The following NBEA variants were observed in gnomAD, a reference collection of about 807,000 sequenced individuals.
The protein encoded by NBEA is neurobeachin, also known as lysosomal-trafficking regulator 2.
A neutral mutation model predicts 343.4 loss-of-function variants in NBEA; 44 were observed. The ratio of observed to expected loss-of-function variants is 0.13; its 90% CI spans 0.10 to 0.16. The LOEUF (loss-of-function observed/expected upper bound fraction) is 0.16. NBEA is among the 10% of genes least tolerant of loss of function. NBEA has a pLI of 1.00. For synonymous variants in NBEA, 1,175 were observed against 1,238.7 expected (o/e 0.95, Z 1.08); for missense variants, 2,555 against 3,631.3 (o/e 0.70, Z 7.62).
At chr13:35,499,113 G>A (rs1374032538) in intron 41 of NBEA, among the ~76,000 whole-genome samples, 1 of 152,084 alleles carries the variant, frequency 6.6e-6, no homozygotes, top group East Asian at 1.9e-4. Context: ...GAAAATTGAT[G>A]TGATGCTTTT....
In NBEA at chr13:35,184,082, C is replaced by T. The variant is rs746172141; in HGVS notation, c.4927+11C>T. ...ACTCATTTTACAAAGGTAATACTGACCTCATCTCCTGACCTGTTTGGGTAT... is the reference window on the plus strand; with the variant it reads ...ACTCATTTTACAAAGGTAATACTGATCTCATCTCCTGACCTGTTTGGGTAT... On this transcript the variant is annotated intron_variant, in intron 30 of 58. Coordinates refer to ENST00000379939, the MANE Select transcript of NBEA (RefSeq NM_001385012.1). 5 of 1,571,150 alleles carry T rather than the reference C, an allele frequency of 3.2e-6. No individual in the cohort carries two copies. Among genetic ancestry groups the T allele is most frequent in the African/African-American group, 1.4e-5 (1 of 73,784 alleles).
rs181919023 is a variant in NBEA, at chr13:35,417,997, A to T, written c.6180-14272A>T. Among the ~76,000 whole-genome samples the T allele has an allele frequency of 4.6e-5, 7 of 152,026 alleles. No homozygotes were observed. The South Asian group carries it at 1.5e-3, about 32-fold the overall frequency. On this transcript the variant is annotated intron_variant, in intron 38 of 58. Transcript: ENST00000379939. The stretch of plus-strand genomic sequence containing the variant: ...TTGATCCCTTTACCATTATGTAATG[A>T]CCTTCTTTGTCTCTTTTGATCTTTG...
At chr13:35,336,311 A>AC (rs2039256726) in intron 36 of NBEA, among the ~76,000 whole-genome samples, 10 of 152,242 alleles carry the variant, frequency 6.6e-5, no homozygotes, top group African/African-American at 2.4e-4. Flanking sequence ...GCAAAAAACC[A>AC]AATCAATAGA....
chr13:35,387,539 A>G (rs140716915), intron 38 of NBEA, among the ~76,000 whole-genome samples: 8 of 152,140 alleles, frequency 5.3e-5, no homozygotes, highest in Non-Finnish European at 4.4e-5. Context: ...TTTATCAGGA[A>G]CCAGTATTGA....
At chr13:35,450,486 C>T (rs1162386979) in intron 39 of NBEA, among the ~76,000 whole-genome samples, 1 of 152,018 alleles carries the variant, frequency 6.6e-6, no homozygotes, top group East Asian at 1.9e-4. Context: ...GACCCTGTCT[C>T]AAACAACAAC....
rs990391415 is a variant in NBEA at position 35,161,801 on chromosome 13, T to A, written c.3913T>A (p.Leu1305Ile). Residue 1305 changes from leucine to isoleucine, a missense_variant, in exon 23 of 59, where the codon TTA (leucine) becomes ATA (isoleucine). Physicochemically the swap from Leu to Ile is conservative, Grantham distance 5. This residue lies in a region of NBEA where 367 missense variants were observed against 377.5 expected (regional missense o/e 0.97). Coordinates refer to ENST00000379939, the MANE Select transcript of NBEA (RefSeq NM_001385012.1). ...ACAAGACCGAGATCTCCGAGTTGATTTAGGATTTCGAGGAATGCCAATGAC... is the reference window on the plus strand; with the variant it reads ...ACAAGACCGAGATCTCCGAGTTGATATAGGATTTCGAGGAATGCCAATGAC... ...TQQDRDLRVD[L>I]GFRGMPMTEE... The A allele has an allele frequency of 6.2e-7, 1 of 1,612,522 alleles. No individual in the cohort carries two copies. The highest frequency in any genetic ancestry group is 8.5e-7 in the Non-Finnish European group (1 of 1,179,364).
chr13:35,077,913 A>C (rs947521812), intron 10 of NBEA, among the ~76,000 whole-genome samples: 1 of 152,198 alleles, frequency 6.6e-6, no homozygotes, highest in Non-Finnish European at 1.5e-5. Flanking sequence ...TTTATGAATA[A>C]AAGGTGCTAC....
chr13:35,415,157 C>T (rs1047800253), intron 38 of NBEA, among the ~76,000 whole-genome samples: 2 of 152,144 alleles, frequency 1.3e-5, no homozygotes, highest in Non-Finnish European at 2.9e-5. Context: ...GAGTAGATTG[C>T]AGAAATTTTC....
chr13:35,627,555 CTG>C (rs951082192), intron 48 of NBEA, among the ~76,000 whole-genome samples: 5 of 152,044 alleles, frequency 3.3e-5, no homozygotes, highest in African/African-American at 9.7e-5. Context: ...GATTCCCAAA[CTG>C]TGTAATAGCT....
intron 36 of NBEA, among the ~76,000 whole-genome samples, chr13:35,331,374 TC>T (rs1455070293): frequency 2.1e-4 from 32 of 152,116 alleles, no homozygotes; most frequent in Non-Finnish European, 3.4e-4. Context: ...AATAGTATAC[TC>T]CCATTCTCTG....
chr13:35,240,164 A>C (rs1284646702), intron 34 of NBEA, among the ~76,000 whole-genome samples: 5 of 151,870 alleles, frequency 3.3e-5, no homozygotes, highest in Non-Finnish European at 5.9e-5. Flanking sequence ...ATTTTGTCAA[A>C]TTTAGAGAAT....
chr13:35,434,375 A>G (rs1361651086), intron 39 of NBEA, among the ~76,000 whole-genome samples: 2 of 152,194 alleles, frequency 1.3e-5, no homozygotes, highest in South Asian at 2.1e-4. Flanking sequence ...TGAATTTTCA[A>G]TCTGGATCAT....
chr13:35,063,224 T>C (rs1234083787), intron 8 of NBEA, among the ~76,000 whole-genome samples: 1 of 152,034 alleles, frequency 6.6e-6, no homozygotes, highest in Non-Finnish European at 1.5e-5. Flanking sequence ...TGGGCACTGT[T>C]CTAGATGCTA....
At position 35,156,917 on chromosome 13, in the gene NBEA, A is replaced by G. The variant is rs563316444; in HGVS notation, c.2652-161A>G. 3.5e-4 allele frequency among the ~76,000 whole-genome samples: 54 copies of G among 152,336 alleles called. No individual in the cohort carries two copies. In the South Asian group the frequency reaches 0.011, roughly 32 times the overall value. On this transcript the variant is annotated intron_variant, in intron 20 of 58. Transcript: ENST00000379939. The stretch of plus-strand genomic sequence containing the variant: ...TTTTCCTGGTAGAGAAATAAGAGAA[A>G]GTCATTCCAAGTATAGAATATATAA...
intron 36 of NBEA, among the ~76,000 whole-genome samples, chr13:35,341,087 A>G (rs1379266040): frequency 6.6e-6 from 1 of 152,066 alleles, no homozygotes. Flanking sequence ...AGAAACCCAT[A>G]TACTTATGGT....
At chr13:35,067,011 A>C (rs1013482981) in intron 8 of NBEA, among the ~76,000 whole-genome samples, 1 of 152,028 alleles carries the variant, frequency 6.6e-6, no homozygotes, top group Admixed American at 6.6e-5. Context: ...GATTTATATT[A>C]ATTTTATCCT....
At chr13:35,154,267 A>G (rs1289808892) in intron 18 of NBEA, among the ~76,000 whole-genome samples, 1 of 152,160 alleles carries the variant, frequency 6.6e-6, no homozygotes, top group Non-Finnish European at 1.5e-5. Flanking sequence ...GTCCTTTTCT[A>G]ATCAGAAGAG....
At chr13:35,166,099 A>C (rs903499776) in intron 24 of NBEA, among the ~76,000 whole-genome samples, 1 of 152,162 alleles carries the variant, frequency 6.6e-6, no homozygotes, top group African/African-American at 2.4e-5. Context: ...TGTTATGAAG[A>C]AATTTTTAAA....
intron 34 of NBEA, among the ~76,000 whole-genome samples, chr13:35,281,907 TTA>T (rs1300735307): frequency 6.6e-6 from 1 of 151,904 alleles, no homozygotes; most frequent in Non-Finnish European, 1.5e-5. Flanking sequence ...AGAATATAAA[TTA>T]TGTTATTTAT....
Sources: gnomAD v4.1 joint callset for allele counts (sites outside exome capture counted in the v4.1 genomes callset) on GRCh38, gnomAD v4.1.1 for gene constraint, gnomAD v4.1.1 regional missense constraint, MANE v1.5 for transcripts, NCBI Gene and HGNC (gene_info 2026-07-23, HGNC 2026-07-21) for gene names.